TDRD5: variants seen among roughly 807,000 people sequenced by gnomAD.
The protein encoded by TDRD5 is tudor domain-containing protein 5.
A neutral mutation model predicts 120.6 loss-of-function variants in TDRD5; 41 were observed. The ratio of observed to expected loss-of-function variants is 0.34; its 90% CI spans 0.26 to 0.44. The LOEUF (loss-of-function observed/expected upper bound fraction) is 0.44, where lower values mean the gene tolerates loss of function less well. Ranked by LOEUF, TDRD5 falls within the 20% of genes least tolerant of loss-of-function variation. The probability of loss-of-function intolerance (pLI) is 1.00; values close to 1 mark genes in which losing one functional copy is unlikely to be tolerated. For synonymous variants in TDRD5, 430 were observed against 433.7 expected (o/e 0.99, Z 0.11); for missense variants, 1,006 against 1,221.2 (o/e 0.82, Z 2.63).
chr1:179,622,563 T>A (rs1676897811), intron 6 of TDRD5, among the ~76,000 whole-genome samples: 1 of 152,142 alleles, frequency 6.6e-6, no homozygotes, highest in Non-Finnish European at 1.5e-5. Context: ...AATGAGGAGA[T>A]AAGATATTTC....
Position 179,671,777 on chromosome 1 carries a change from C to A in TDRD5, c.2860+2373C>A, listed in dbSNP as rs557199289. Among the ~76,000 whole-genome samples, 3 of 152,248 alleles carry A rather than the reference C, an allele frequency of 2.0e-5. No individual in the cohort carries two copies. In the South Asian group the frequency reaches 6.2e-4, roughly 32 times the overall value. On this transcript the variant is annotated intron_variant, in intron 17 of 17. Coordinates refer to ENST00000444136, the MANE Select transcript of TDRD5 (RefSeq NM_001199085.3). ...CTTGAGTCCCCAAAGTCCAATGTAT[C>A]ATTTTTATGCCTTTGCGTCCTCATA...
In TDRD5 at chr1:179,651,021, G is replaced by A; in HGVS notation, c.1955G>A (p.Arg652Lys). ...GATGTCTATTTCCATCATGTCTTGA[G>A]AACAGAGGGCCATGCTATTGTATGC... The part of the protein sequence containing the change: ...NEDVYFHHVL[R>K]TEGHAIVCRE... Residue 652 changes from arginine (R) to lysine (K), a missense_variant, in exon 12 of 18, where the codon AGA becomes AAA. This residue lies in a region of TDRD5 where 403 missense variants were observed against 448.1 expected (regional missense o/e 0.90). Transcript: ENST00000444136. The A allele has an allele frequency of 6.2e-7, 1 of 1,614,102 alleles. No homozygotes were observed. The highest frequency in any genetic ancestry group is 8.5e-7 in the Non-Finnish European group (1 of 1,180,004).
In TDRD5 at chr1:179,593,715, G is replaced by C; in HGVS notation, c.488G>C (p.Arg163Pro). Reference sequence around the variant, plus strand: ...AAGGCATTTGCCAAAAGATTTGGACGATCATTCCAATACATGCAATATGGA... The same window carrying C: ...AAGGCATTTGCCAAAAGATTTGGACCATCATTCCAATACATGCAATATGGA... ...FEKAFAKRFG[R>P]SFQYMQYGFL... The change falls in exon 3 of 18, where the codon CGA becomes CCA. Residue 163 changes from arginine (R) to proline (P), a missense_variant. Physicochemically the swap from Arg to Pro is moderately radical, Grantham distance 103. Coordinates refer to ENST00000444136, the MANE Select transcript of TDRD5 (RefSeq NM_001199085.3). 1.9e-6 allele frequency: 3 copies of C among 1,614,228 alleles called. No individual in the cohort carries two copies. Among genetic ancestry groups the C allele is most frequent in the Non-Finnish European group, 1.7e-6 (2 of 1,180,030 alleles).
At chr1:179,596,679 A>G (rs1410976545) in intron 4 of TDRD5, among the ~76,000 whole-genome samples, 1 of 152,228 alleles carries the variant, frequency 6.6e-6, no homozygotes, top group African/African-American at 2.4e-5. Flanking sequence ...GTGTTAGTCC[A>G]TTATACAGAT....
At chr1:179,633,772 G>A (rs925855540) in intron 7 of TDRD5, among the ~76,000 whole-genome samples, 2 of 152,132 alleles carry the variant, frequency 1.3e-5, no homozygotes, top group Admixed American at 6.5e-5. Flanking sequence ...ATATTAAGTA[G>A]TTACATACAG....
At chr1:179,605,771 C>T (rs954917307) in intron 4 of TDRD5, among the ~76,000 whole-genome samples, 2 of 152,050 alleles carry the variant, frequency 1.3e-5, no homozygotes, top group African/African-American at 4.8e-5. Context: ...ATTTAAGGTT[C>T]CTTTATGTCT....
At chr1:179,613,801 G>A (rs12407792) in intron 4 of TDRD5, among the ~76,000 whole-genome samples, 23,722 of 152,040 alleles carry the variant, frequency 0.16, 2,301 homozygotes, top group East Asian at 0.28. Flanking sequence ...TTCAACTTAG[G>A]GATTTGGGGA....
At chr1:179,609,914 A>G (rs933797191) in intron 4 of TDRD5, among the ~76,000 whole-genome samples, 1 of 152,110 alleles carries the variant, frequency 6.6e-6, no homozygotes, top group African/African-American at 2.4e-5. Flanking sequence ...TCAATCCTGC[A>G]AATTTTAGCA....
intron 17 of TDRD5, among the ~76,000 whole-genome samples, chr1:179,675,645 A>G (rs1244607631): frequency 6.6e-6 from 1 of 152,114 alleles, no homozygotes; most frequent in Non-Finnish European, 1.5e-5. Context: ...GGAGCAGGTT[A>G]TTTAATTTCC....
chr1:179,672,278 T>A (rs1679898180), intron 17 of TDRD5, among the ~76,000 whole-genome samples: 1 of 152,108 alleles, frequency 6.6e-6, no homozygotes, highest in South Asian at 2.1e-4. Context: ...CAACATCTAT[T>A]ATTTTTTTAT....
At chr1:179,648,458 G>GT (rs58044490) in intron 11 of TDRD5, among the ~76,000 whole-genome samples, 1 of 94,474 alleles carries the variant, frequency 1.1e-5, no homozygotes, top group African/African-American at 3.6e-5. Context: ...GGGGTGGGGG[G>GT]GGGGAGGGAT....
At chr1:179,612,399 A>C (rs1481478289) in intron 4 of TDRD5, among the ~76,000 whole-genome samples, 1 of 152,100 alleles carries the variant, frequency 6.6e-6, no homozygotes, top group Non-Finnish European at 1.5e-5. Flanking sequence ...TTGAGAGGGA[A>C]TTTAGAGGAG....
At chr1:179,666,570 C>A (rs972945478) in intron 16 of TDRD5, among the ~76,000 whole-genome samples, 1 of 152,152 alleles carries the variant, frequency 6.6e-6, no homozygotes, top group Non-Finnish European at 1.5e-5. Context: ...CTCCTACCTC[C>A]CGACGTAATT....
intron 6 of TDRD5, among the ~76,000 whole-genome samples, chr1:179,625,491 T>C (rs1677073968): frequency 6.6e-6 from 1 of 152,190 alleles, no homozygotes; most frequent in Non-Finnish European, 1.5e-5. Context: ...ACAATTCTTT[T>C]TGTAAATGGC....
At chr1:179,667,847 C>G (rs1199722654) in intron 16 of TDRD5, among the ~76,000 whole-genome samples, 2 of 152,088 alleles carry the variant, frequency 1.3e-5, no homozygotes. Flanking sequence ...CACATTCATG[C>G]CAGCCATCTT....
intron 2 of TDRD5, among the ~76,000 whole-genome samples, chr1:179,593,233 A>G (rs1675212994): frequency 6.6e-6 from 1 of 152,226 alleles, no homozygotes; most frequent in African/African-American, 2.4e-5. Flanking sequence ...TCAGGGGTCA[A>G]TTAGTTGTAA....
At position 179,669,366 on chromosome 1, in the gene TDRD5, C is replaced by T. The variant is rs1254777025; in HGVS notation, c.2822C>T (p.Thr941Ile). ...TCCACAGCAGCACCCTGTTCAACAA[C>T]TGCAGTGGATGATTCCGCAGAAAAG... ...QLSTAAPCST[T>I]AVDDSAEKPS... The change falls in exon 17 of 18, where the codon ACT (threonine) becomes ATT (isoleucine). Residue 941 changes from threonine to isoleucine, a missense_variant. Coordinates refer to ENST00000444136, the MANE Select transcript of TDRD5 (RefSeq NM_001199085.3). 1 of 1,614,110 alleles carries T rather than the reference C, an allele frequency of 6.2e-7. No individual in the cohort carries two copies. Among genetic ancestry groups the T allele is most frequent in the East Asian group, 2.2e-5 (1 of 44,894 alleles).
chr1:179,647,556 C>G (rs1678450798), intron 11 of TDRD5, among the ~76,000 whole-genome samples: 1 of 151,454 alleles, frequency 6.6e-6, no homozygotes, highest in South Asian at 2.1e-4. Flanking sequence ...GACTTCATGT[C>G]TAAAACACCA....
intron 17 of TDRD5, among the ~76,000 whole-genome samples, chr1:179,674,020 C>T (rs1056096053): frequency 3.9e-5 from 6 of 152,078 alleles, no homozygotes; most frequent in African/African-American, 7.2e-5. Flanking sequence ...TCCTCTTTAC[C>T]GATTTGGGTG....
Sources: gnomAD v4.1 joint callset for allele counts (sites outside exome capture counted in the v4.1 genomes callset) on GRCh38, gnomAD v4.1.1 for gene constraint, gnomAD v4.1.1 regional missense constraint, MANE v1.5 for transcripts, NCBI Gene and HGNC (gene_info 2026-07-23, HGNC 2026-07-21) for gene names.